The following PLXNA4 variants were observed in gnomAD, a reference collection of about 807,000 sequenced individuals.
The protein encoded by PLXNA4 is plexin-A4.
PLXNA4 carries 44 observed loss-of-function variants against 191.8 expected under a neutral mutation model. That is an observed-to-expected ratio of 0.23 (90% confidence interval 0.18 to 0.29). PLXNA4 has a LOEUF of 0.29. Among genes scored for constraint, PLXNA4 ranks in the 10% least tolerant of loss-of-function variants. PLXNA4 has a pLI of 1.00. For missense variants in PLXNA4, 1,800 were observed against 2,488.8 expected (o/e 0.72, Z 5.89); for synonymous variants, 1,082 against 1,009.5 (o/e 1.07, Z -1.36).
At chr7:132,488,920 A>G (rs888765536) in intron 3 of PLXNA4, among the ~76,000 whole-genome samples, 4 of 152,266 alleles carry the variant, frequency 2.6e-5, no homozygotes, top group Non-Finnish European at 1.5e-5. Context: ...CAAGGGGAAC[A>G]GGCATGTCCC....
At chr7:132,453,615 C>T (rs1002206374) in intron 3 of PLXNA4, among the ~76,000 whole-genome samples, 3 of 151,930 alleles carry the variant, frequency 2.0e-5, no homozygotes, top group Non-Finnish European at 4.4e-5. Flanking sequence ...AATCTCGGCT[C>T]ACTGCAACCT....
In PLXNA4 at chr7:132,168,441, A is replaced by G. The variant is rs1796185566; in HGVS notation, c.4149T>C (p.Arg1383=). Residue 1383 remains arginine, a synonymous_variant, in exon 22 of 32, where the codon CGT becomes CGC. Transcript: ENST00000321063. The stretch of plus-strand genomic sequence containing the variant: ...TCATGATGAGTGAGGCCACGTTGCC[A>G]CGGTCGCGCATGGAGAAGCTACGCT... ...ESQRSFSMRD[R]GNVASLIMTV... The G allele has an allele frequency of 6.2e-7, 1 of 1,614,090 alleles. No individual in the cohort carries two copies. The highest frequency in any genetic ancestry group is 8.5e-7 in the Non-Finnish European group (1 of 1,179,956).
chr7:132,291,220 G>A (rs1205775453), intron 4 of PLXNA4, among the ~76,000 whole-genome samples: 2 of 152,142 alleles, frequency 1.3e-5, no homozygotes, highest in South Asian at 2.1e-4. Flanking sequence ...CTCCCCAGAC[G>A]GTCCTCTCGC....
intron 3 of PLXNA4, among the ~76,000 whole-genome samples, chr7:132,478,205 G>T (rs1292183587): frequency 6.6e-6 from 1 of 152,188 alleles, no homozygotes; most frequent in African/African-American, 2.4e-5. Flanking sequence ...ATCTAAGAAA[G>T]ACTCATTCTC....
At chr7:132,247,110 C>T (rs190102319) in intron 4 of PLXNA4, among the ~76,000 whole-genome samples, 1 of 152,192 alleles carries the variant, frequency 6.6e-6, no homozygotes, top group Non-Finnish European at 1.5e-5. Context: ...TCGAAAGATG[C>T]TTTCCTCTGG....
At position 132,378,303 on chromosome 7, in the gene PLXNA4, TAGAGA is replaced by T. The variant is rs1451400127; in HGVS notation, c.1372-80086_1372-80082del. Among the ~76,000 whole-genome samples the T allele has an allele frequency of 1.1e-4, 17 of 152,220 alleles. No homozygotes were observed. The East Asian group carries it at 1.2e-3, about 10-fold the overall frequency. ...CCCGTTGAAAACTTAACACGTGCTT[TAGAGA>T]AAAGAGTAGGAGTATTTAACTCAGA... On this transcript the variant is annotated intron_variant, in intron 3 of 31. Coordinates refer to ENST00000321063, the MANE Select transcript of PLXNA4 (RefSeq NM_020911.2).
intron 2 of PLXNA4, among the ~76,000 whole-genome samples, chr7:132,623,617 C>T (rs148844028): frequency 6.6e-6 from 1 of 152,280 alleles, no homozygotes; most frequent in African/African-American, 2.4e-5. Flanking sequence ...GGAGAGCAAG[C>T]CTGGCTGAAG....
At chr7:132,153,828 C>T (rs969620239) in intron 25 of PLXNA4, among the ~76,000 whole-genome samples, 2 of 152,182 alleles carry the variant, frequency 1.3e-5, no homozygotes, top group African/African-American at 4.8e-5. Flanking sequence ...GGCACCCACA[C>T]ATGTACACAC....
At chr7:132,354,186 C>CGTGT (rs59554805) in intron 3 of PLXNA4, among the ~76,000 whole-genome samples, 3,181 of 132,614 alleles carry the variant, frequency 0.024, 103 homozygotes, top group African/African-American at 0.09. Flanking sequence ...ACAGTGTGTG[C>CGTGT]GTGTGTGTGT....
intron 3 of PLXNA4, among the ~76,000 whole-genome samples, chr7:132,486,379 A>C (rs376520565): frequency 1.3e-5 from 2 of 151,502 alleles, no homozygotes; most frequent in Non-Finnish European, 2.9e-5. Context: ...TCTATTGTTC[A>C]AGAAAAAATA....
At chr7:132,614,697 C>T (rs1036656418) in intron 2 of PLXNA4, among the ~76,000 whole-genome samples, 4 of 152,198 alleles carry the variant, frequency 2.6e-5, no homozygotes, top group Non-Finnish European at 5.9e-5. Context: ...AGGCACCTGG[C>T]CCAATTTGAC....
At chr7:132,239,440 C>T (rs572502865) in intron 5 of PLXNA4, among the ~76,000 whole-genome samples, 1 of 152,238 alleles carries the variant, frequency 6.6e-6, no homozygotes, top group South Asian at 2.1e-4. Flanking sequence ...CAGGGAGGGA[C>T]CAGATTTTCC....
At chr7:132,491,505 G>T (rs147232586) in intron 2 of PLXNA4, among the ~76,000 whole-genome samples, 1 of 152,312 alleles carries the variant, frequency 6.6e-6, no homozygotes, top group African/African-American at 2.4e-5. Flanking sequence ...AACGGGGAGA[G>T]CGTGGGCAAG....
intron 3 of PLXNA4, among the ~76,000 whole-genome samples, chr7:132,310,115 A>T (rs2116574414): frequency 6.6e-6 from 1 of 152,296 alleles, no homozygotes; most frequent in East Asian, 1.9e-4. Context: ...TCTGTCTATT[A>T]TAGATGTCGT....
At chr7:132,269,962 G>A (rs1330415911) in intron 4 of PLXNA4, among the ~76,000 whole-genome samples, 1 of 152,120 alleles carries the variant, frequency 6.6e-6, no homozygotes, top group Non-Finnish European at 1.5e-5. Flanking sequence ...ACAAAGAAAC[G>A]TGCTTGAGGG....
intron 4 of PLXNA4, among the ~76,000 whole-genome samples, chr7:132,282,962 G>A (rs770310068): frequency 5.9e-5 from 9 of 151,778 alleles, no homozygotes; most frequent in Non-Finnish European, 1.0e-4. Flanking sequence ...CTGCAGCCTC[G>A]ATCTCCTGGG....
chr7:132,496,996 G>C (rs1798044314), intron 2 of PLXNA4, among the ~76,000 whole-genome samples: 1 of 152,134 alleles, frequency 6.6e-6, no homozygotes, highest in African/African-American at 2.4e-5. Flanking sequence ...CAAGTTAGGA[G>C]AAAAAGGGAA....
intron 1 of PLXNA4, among the ~76,000 whole-genome samples, chr7:132,530,776 T>C (rs1424180144): frequency 6.6e-6 from 1 of 152,214 alleles, no homozygotes; most frequent in Non-Finnish European, 1.5e-5. Context: ...CAGATATTTG[T>C]ACAACAATGT....
intron 31 of PLXNA4, among the ~76,000 whole-genome samples, chr7:132,132,486 TG>T (rs879279414): frequency 0.086 from 7,427 of 86,448 alleles, 1,023 homozygotes; most frequent in East Asian, 0.14. Flanking sequence ...TGCTCTGCTC[TG>T]CTCTATTCTT....
Sources: allele counts gnomAD v4.1 joint callset (sites outside exome capture counted in the v4.1 genomes callset), GRCh38; gene constraint gnomAD v4.1.1; transcripts MANE v1.5; gene names NCBI Gene and HGNC (gene_info 2026-07-23, HGNC 2026-07-21).